ASB18: variants seen among roughly 807,000 people sequenced by gnomAD.
ASB18 encodes the protein ankyrin repeat and SOCS box protein 18.
Under a neutral mutation model 33.4 loss-of-function variants are expected in ASB18, and 33 were observed. That is an observed-to-expected ratio of 0.99 (90% CI 0.75 to 1.32). ASB18 has a LOEUF of 1.32. ASB18 is among the 40% of genes most tolerant of loss of function. The probability of loss-of-function intolerance (pLI) is 0.00; values close to 1 mark genes in which losing one functional copy is unlikely to be tolerated. For missense variants in ASB18, 694 were observed against 655.5 expected (o/e 1.06, Z -0.64); for synonymous variants, 295 against 307.6 (o/e 0.96, Z 0.43).
At position 236,248,800 on chromosome 2, in the gene ASB18, G is replaced by T. The variant is rs1009303710; in HGVS notation, c.206-7398C>A. On this transcript the variant is annotated intron_variant, in intron 1 of 5. Coordinates refer to ENST00000409749, the MANE Select transcript of ASB18 (RefSeq NM_212556.4). This position sits in a 1 kb window ranked among gnomAD's most constrained non-coding sequence, Gnocchi z 4.9. The stretch of plus-strand genomic sequence containing the variant: ...TGGAAGGGTAGCTATCAGATGCGTG[G>T]CATGGAGCATGACACAGCCAAGATT... 6 of 152,196 alleles carry T rather than the reference G, an allele frequency of 3.9e-5. No homozygotes were observed. The highest frequency in any genetic ancestry group is 1.4e-4 in the African/African-American group (6 of 41,440). 9.4% of individuals were successfully genotyped at this position (152,196 alleles called of 1,614,324 possible). A position where few individuals can be genotyped will look rare whatever the true frequency, so the allele number is the denominator to read the frequency against.
chr2:236,211,306 G>T lies in ASB18; in HGVS notation c.1101+3056C>A. ...TGCCCCCAGTGTTAACTAGCGGTCA[G>T]CCAGGCAGAAAGGCCTGGCACTGTC... On this transcript the variant is annotated intron_variant, in intron 4 of 5. Coordinates refer to ENST00000409749, the MANE Select transcript of ASB18 (RefSeq NM_212556.4). The surrounding 1 kb of genome is among the most constrained non-coding windows in gnomAD (Gnocchi z 5.0). Among the ~76,000 whole-genome samples, 1 of 152,210 alleles carries T rather than the reference G, an allele frequency of 6.6e-6. No homozygotes were observed. The highest frequency in any genetic ancestry group is 1.9e-4 in the East Asian group (1 of 5,186).
Position 236,262,885 on chromosome 2 carries a change from G to GGA in ASB18, c.205+1255_205+1256insTC, listed in dbSNP as rs1553602661. ...GCCCAGAAAGTAGACCCAAACCAAG[G>GGA]GGGGGGGGCGGACCCCCTCGGAAGT... is the stretch of plus-strand genomic sequence containing the variant. On this transcript the variant is annotated intron_variant, in intron 1 of 5. Coordinates refer to ENST00000409749, the MANE Select transcript of ASB18 (RefSeq NM_212556.4). This position sits in a 1 kb window ranked among gnomAD's most constrained non-coding sequence, Gnocchi z 5.2. Among the ~76,000 whole-genome samples the GGA allele has an allele frequency of 8.3e-5, 4 of 47,914 alleles. No homozygotes were observed. The highest frequency in any genetic ancestry group is 7.0e-4 in the East Asian group (1 of 1,438). The allele number at this position is 47,914 out of a possible 152,430, so 31.4% of individuals were successfully genotyped here. A position where few individuals can be genotyped will look rare whatever the true frequency, so the allele number is the denominator to read the frequency against.
chr2:236,261,998 C>T lies in ASB18; in HGVS notation c.205+2143G>A, dbSNP rs560432194. On this transcript the variant is annotated intron_variant, in intron 1 of 5. Transcript: ENST00000409749. ...CCACAACACGTGGGAATTGTGGGAG[C>T]TATAATTCAAGATGAGATTTGGGTG... is the stretch of plus-strand genomic sequence containing the variant. 5.9e-5 allele frequency among the ~76,000 whole-genome samples: 9 copies of T among 152,252 alleles called. No individual in the cohort carries two copies. In the South Asian group the frequency reaches 1.9e-3, roughly 32 times the overall value.
chr2:236,243,999 T>A (rs1340345365), intron 1 of ASB18, among the ~76,000 whole-genome samples: 2 of 152,114 alleles, frequency 1.3e-5, no homozygotes, highest in African/African-American at 4.8e-5. Flanking sequence ...GCTAATTTTT[T>A]AATTTTTAGT....
chr2:236,232,472 C>T (rs1047512360), intron 3 of ASB18, among the ~76,000 whole-genome samples: 1 of 151,312 alleles, frequency 6.6e-6, no homozygotes, highest in East Asian at 1.9e-4. Context: ...TCAATGTGAG[C>T]AAAGAAAGAA....
Position 236,239,063 on chromosome 2 carries a change from C to T in ASB18, c.329-1107G>A, listed in dbSNP as rs899757785. Among the ~76,000 whole-genome samples, 2 of 152,076 alleles carry T rather than the reference C, an allele frequency of 1.3e-5. No homozygotes were observed. The highest frequency in any genetic ancestry group is 2.1e-4 in the South Asian group (1 of 4,828). On this transcript the variant is annotated intron_variant, in intron 2 of 5. Coordinates refer to ENST00000409749, the MANE Select transcript of ASB18 (RefSeq NM_212556.4). This position sits in a 1 kb window ranked among gnomAD's most constrained non-coding sequence, Gnocchi z 5.6. ...CATGGAATGGTGGTGGCCAGAGGCC[C>T]CAGGGACATGGACCTGCATGGGTTT... is the stretch of plus-strand genomic sequence containing the variant.
At chr2:236,261,507 A>G (rs1156328305) in intron 1 of ASB18, among the ~76,000 whole-genome samples, 1 of 152,186 alleles carries the variant, frequency 6.6e-6, no homozygotes, top group African/African-American at 2.4e-5. Context: ...TTTCTCTGTG[A>G]TAAAGTCACT....
intron 1 of ASB18, among the ~76,000 whole-genome samples, chr2:236,254,605 T>C (rs1249816240): frequency 6.6e-6 from 1 of 152,122 alleles, no homozygotes; most frequent in Non-Finnish European, 1.5e-5. Context: ...CCTTTTATTT[T>C]GTCCCACAGA....
chr2:236,222,259 A>T lies in ASB18; in HGVS notation c.597-7393T>A, dbSNP rs2060516398. 6.6e-6 allele frequency among the ~76,000 whole-genome samples: 1 copy of T among 152,160 alleles called. No individual in the cohort carries two copies. Among genetic ancestry groups the T allele is most frequent in the Non-Finnish European group, 1.5e-5 (1 of 68,030 alleles). On this transcript the variant is annotated intron_variant, in intron 3 of 5. Transcript: ENST00000409749. The surrounding 1 kb of genome is among the most constrained non-coding windows in gnomAD (Gnocchi z 5.5). Reference sequence around the variant, plus strand: ...TCCCGGGATGCTAAGCTATGAGACTATCAGACATAAATGTTTACAATTGAA... The same window carrying T: ...TCCCGGGATGCTAAGCTATGAGACTTTCAGACATAAATGTTTACAATTGAA...
In ASB18 at chr2:236,211,423, C is replaced by T. The variant is rs946032885; in HGVS notation, c.1101+2939G>A. Among the ~76,000 whole-genome samples the T allele has an allele frequency of 2.2e-4, 33 of 152,238 alleles. No homozygotes were observed. Among genetic ancestry groups the T allele is most frequent in the Admixed American group, 2.1e-3 (32 of 15,282 alleles). ...AAGGATGCCCTGTGTCCGCCTGCCG[C>T]GACGATGGTGCCTTTGTCTGGGCAT... On this transcript the variant is annotated intron_variant, in intron 4 of 5. Coordinates refer to ENST00000409749, the MANE Select transcript of ASB18 (RefSeq NM_212556.4). The surrounding 1 kb of genome is among the most constrained non-coding windows in gnomAD (Gnocchi z 5.0).
chr2:236,202,777 C>CAAAAAAAAAAA (rs34973734), intron 4 of ASB18, among the ~76,000 whole-genome samples: 35 of 68,668 alleles, frequency 5.1e-4, no homozygotes, highest in Non-Finnish European at 7.0e-4. Context: ...GACTCCGTCT[C>CAAAAAAAAAAA]AAAAAAAAAA....
At chr2:236,232,952 TTA>T (rs2060573352) in intron 3 of ASB18, among the ~76,000 whole-genome samples, 1 of 152,050 alleles carries the variant, frequency 6.6e-6, no homozygotes. Context: ...GAGACCAGCA[TTA>T]CTCTGATGCC....
At position 236,238,097 on chromosome 2, in the gene ASB18, A is replaced by C; in HGVS notation, c.329-141T>G. ...AGGCATGTAGGGAGAAGAGGATAGA[A>C]TCAGAGACGCACACAGAGACAGAGA... On this transcript the variant is annotated intron_variant, in intron 2 of 5. Coordinates refer to ENST00000409749, the MANE Select transcript of ASB18 (RefSeq NM_212556.4). This position sits in a 1 kb window ranked among gnomAD's most constrained non-coding sequence, Gnocchi z 5.2. The C allele has an allele frequency of 5.1e-6, 3 of 591,338 alleles. No homozygotes were observed. Among genetic ancestry groups the C allele is most frequent in the Non-Finnish European group, 5.3e-6 (2 of 380,394 alleles). 36.6% of individuals were successfully genotyped at this position (591,338 alleles called of 1,614,324 possible).
In ASB18 at chr2:236,255,095, C is replaced by G. The variant is rs1574672357; in HGVS notation, c.205+9046G>C. 6.6e-6 allele frequency among the ~76,000 whole-genome samples: 1 copy of G among 152,182 alleles called. No homozygotes were observed. Among genetic ancestry groups the G allele is most frequent in the African/African-American group, 2.4e-5 (1 of 41,448 alleles). The stretch of plus-strand genomic sequence containing the variant: ...AGCCGAAGCCGCTACGCTTCCTGTA[C>G]AGCCTGCAGAACCGTGAGCCAATTA... On this transcript the variant is annotated intron_variant, in intron 1 of 5. Transcript: ENST00000409749. This position sits in a 1 kb window ranked among gnomAD's most constrained non-coding sequence, Gnocchi z 4.4.
chr2:236,237,973 G>A lies in ASB18; in HGVS notation c.329-17C>T. The A allele has an allele frequency of 6.7e-7, 1 of 1,482,694 alleles. No individual in the cohort carries two copies. Among genetic ancestry groups the A allele is most frequent in the Non-Finnish European group, 8.9e-7 (1 of 1,124,918 alleles). 91.8% of individuals were successfully genotyped at this position (1,482,694 alleles called of 1,614,324 possible). Reference sequence around the variant, plus strand: ...TCCAGAGGCCTGCGGGGAGGGAGGTGGGATGTAAGGTCAGGGGGAGGTTAG... The same window carrying A: ...TCCAGAGGCCTGCGGGGAGGGAGGTAGGATGTAAGGTCAGGGGGAGGTTAG... On this transcript the variant is annotated splice_polypyrimidine_tract_variant and intron_variant, in intron 2 of 5. Transcript: ENST00000409749. This position sits in a 1 kb window ranked among gnomAD's most constrained non-coding sequence, Gnocchi z 6.2.
In ASB18 at chr2:236,235,748, C is replaced by T. The variant is rs1385277333; in HGVS notation, c.596+1941G>A. Among the ~76,000 whole-genome samples, 1 of 152,190 alleles carries T rather than the reference C, an allele frequency of 6.6e-6. No individual in the cohort carries two copies. Among genetic ancestry groups the T allele is most frequent in the African/African-American group, 2.4e-5 (1 of 41,436 alleles). ...TGAGACAGGGTCTCAACTCTGTCAC[C>T]CAGGCTGGAGTGCAGTGGCGTGAAC... On this transcript the variant is annotated intron_variant, in intron 3 of 5. Transcript: ENST00000409749. The surrounding 1 kb of genome is among the most constrained non-coding windows in gnomAD (Gnocchi z 6.2).
At position 236,213,134 on chromosome 2, in the gene ASB18, C is replaced by T. The variant is rs1360477070; in HGVS notation, c.1101+1228G>A. ...ACAGAACATAAAAATGCTAGCATTT[C>T]TTCCCTTTCAGGAGTCCACTATATT... On this transcript the variant is annotated intron_variant, in intron 4 of 5. Coordinates refer to ENST00000409749, the MANE Select transcript of ASB18 (RefSeq NM_212556.4). This position sits in a 1 kb window ranked among gnomAD's most constrained non-coding sequence, Gnocchi z 4.8. Among the ~76,000 whole-genome samples the T allele has an allele frequency of 2.6e-5, 4 of 152,214 alleles. 1 individual carries two copies. In the South Asian group the frequency reaches 6.2e-4, roughly 24 times the overall value.
rs1449221777 is a variant in ASB18, at chr2:236,220,395, G to A, written c.597-5529C>T. Among the ~76,000 whole-genome samples, 1 of 152,084 alleles carries A rather than the reference G, an allele frequency of 6.6e-6. No individual in the cohort carries two copies. Among genetic ancestry groups the A allele is most frequent in the Non-Finnish European group, 1.5e-5 (1 of 68,026 alleles). On this transcript the variant is annotated intron_variant, in intron 3 of 5. Coordinates refer to ENST00000409749, the MANE Select transcript of ASB18 (RefSeq NM_212556.4). The surrounding 1 kb of genome is among the most constrained non-coding windows in gnomAD (Gnocchi z 5.1). Reference sequence around the variant, plus strand: ...AGCCTCCATGCTCCCTGCATGCTCTGCCCAGATACCTCTTCTCTCAGCCAG... The same window carrying A: ...AGCCTCCATGCTCCCTGCATGCTCTACCCAGATACCTCTTCTCTCAGCCAG...
rs780886846 is a variant in ASB18 at position 236,244,789 on chromosome 2, C to A, written c.206-3387G>T. On this transcript the variant is annotated intron_variant, in intron 1 of 5. Transcript: ENST00000409749. This position sits in a 1 kb window ranked among gnomAD's most constrained non-coding sequence, Gnocchi z 6.1. The stretch of plus-strand genomic sequence containing the variant: ...TGATTTTCCTTACAAGAGATTGCAG[C>A]AAAGGGTGGAGTAGAAATCGAACAC... Among the ~76,000 whole-genome samples the A allele has an allele frequency of 6.6e-6, 1 of 152,176 alleles. No individual in the cohort carries two copies. Among genetic ancestry groups the A allele is most frequent in the South Asian group, 2.1e-4 (1 of 4,824 alleles).
Sources: allele counts gnomAD v4.1 joint callset (sites outside exome capture counted in the v4.1 genomes callset), GRCh38; gene constraint gnomAD v4.1.1; non-coding constraint Gnocchi (gnomAD v3.1); transcripts MANE v1.5; gene names NCBI Gene and HGNC (gene_info 2026-07-23, HGNC 2026-07-21).